Variants in PDE3A observed in about 807,000 individuals in gnomAD.
PDE3A encodes the protein phosphodiesterase 3A, also known as cGMP-inhibited 3',5'-cyclic phosphodiesterase 3A.
Under a neutral mutation model 98.3 loss-of-function variants are expected in PDE3A, and 43 were observed. The ratio of observed to expected loss-of-function variants is 0.44; its 90% CI spans 0.34 to 0.56. The LOEUF (loss-of-function observed/expected upper bound fraction) is 0.56, where lower values mean the gene tolerates loss of function less well. Among genes scored for constraint, PDE3A ranks in the 20% least tolerant of loss-of-function variants. PDE3A has a pLI of 0.01. For missense variants in PDE3A, 1,427 were observed against 1,440.7 expected, an observed-to-expected ratio of 0.99 and a Z score of 0.15; for synonymous variants, 663 against 567.9, an observed-to-expected ratio of 1.17 and a Z score of -2.38.
intron 15 of PDE3A, among the ~76,000 whole-genome samples, chr12:20,677,291 T>C (rs1353425606): frequency 1.3e-5 from 2 of 152,172 alleles, no homozygotes; most frequent in African/African-American, 2.4e-5. Flanking sequence ...TTTAATATTG[T>C]TATTTTGAAT....
intron 1 of PDE3A, among the ~76,000 whole-genome samples, chr12:20,543,525 T>A (rs1401397112): frequency 1.3e-5 from 2 of 152,012 alleles, no homozygotes; most frequent in Non-Finnish European, 2.9e-5. Flanking sequence ...TATTAAAATT[T>A]AGATTTTTCC....
chr12:20,551,905 G>A (rs762771058), intron 1 of PDE3A: 657 of 1,613,328 alleles, frequency 4.1e-4, no homozygotes, highest in Non-Finnish European at 5.2e-4. Context: ...GGGGATCCCC[G>A]TGGGCACCAT....
At chr12:20,530,447 T>C (rs1333860060) in intron 1 of PDE3A, among the ~76,000 whole-genome samples, 4 of 152,066 alleles carry the variant, frequency 2.6e-5, no homozygotes, top group Non-Finnish European at 5.9e-5. Context: ...TTTTCAAGAA[T>C]TGACTATGAG....
chr12:20,543,377 C>A (rs982028784), intron 1 of PDE3A, among the ~76,000 whole-genome samples: 1 of 151,928 alleles, frequency 6.6e-6, no homozygotes, highest in Non-Finnish European at 1.5e-5. Context: ...CAGACTCTCT[C>A]TAGCTTTTCC....
intron 15 of PDE3A, among the ~76,000 whole-genome samples, chr12:20,665,258 A>G (rs1487517335): frequency 2.0e-5 from 3 of 152,222 alleles, no homozygotes; most frequent in Admixed American, 1.3e-4. Context: ...ACATTTTGGT[A>G]CATATCAGGT....
At chr12:20,633,284 C>A (rs7953367) in intron 6 of PDE3A, among the ~76,000 whole-genome samples, 118,156 of 152,056 alleles carry the variant, frequency 0.78, 46,085 homozygotes, top group East Asian at 0.95. Flanking sequence ...GCTTTTAAGC[C>A]GACAGAAAGG....
At chr12:20,664,965 C>G (rs1945271391) in intron 15 of PDE3A, among the ~76,000 whole-genome samples, 1 of 152,172 alleles carries the variant, frequency 6.6e-6, no homozygotes, top group Non-Finnish European at 1.5e-5. Flanking sequence ...AATTCCCTAC[C>G]TCTAATCAGT....
chr12:20,676,353 T>C (rs922667569), intron 15 of PDE3A, among the ~76,000 whole-genome samples: 8 of 152,126 alleles, frequency 5.3e-5, no homozygotes, highest in Non-Finnish European at 1.2e-4. Context: ...TATATGGTTT[T>C]TTCTTTCAGT....
At chr12:20,483,118 C>T (rs1024064502) in intron 1 of PDE3A, among the ~76,000 whole-genome samples, 15 of 151,888 alleles carry the variant, frequency 9.9e-5, no homozygotes, top group African/African-American at 2.9e-4. Context: ...AGGCCTTACG[C>T]GGTAGCTCAC....
At chr12:20,660,994 G>A (rs1056835192) in intron 15 of PDE3A, among the ~76,000 whole-genome samples, 1 of 152,194 alleles carries the variant, frequency 6.6e-6, no homozygotes, top group Admixed American at 6.5e-5. Flanking sequence ...ATGTGAGAAA[G>A]TTAGTTTGGA....
At chr12:20,487,662 AAAT>A (rs1414477075) in intron 1 of PDE3A, among the ~76,000 whole-genome samples, 4 of 133,870 alleles carry the variant, frequency 3.0e-5, no homozygotes, top group Admixed American at 7.1e-5. Flanking sequence ...TAAGAAAAAA[AAAT>A]AAATAAATAA....
At chr12:20,512,859 A>G (rs1476516985) in intron 1 of PDE3A, among the ~76,000 whole-genome samples, 1 of 152,138 alleles carries the variant, frequency 6.6e-6, no homozygotes, top group Admixed American at 6.6e-5. Flanking sequence ...AAAGCATATT[A>G]TTTATTATTA....
At chr12:20,493,617 C>T (rs1281243853) in intron 1 of PDE3A, among the ~76,000 whole-genome samples, 1 of 152,046 alleles carries the variant, frequency 6.6e-6, no homozygotes, top group Non-Finnish European at 1.5e-5. Context: ...CACACTCACA[C>T]CCATTCACAA....
At chr12:20,562,866 A>C (rs1409727751) in intron 2 of PDE3A, among the ~76,000 whole-genome samples, 1 of 152,168 alleles carries the variant, frequency 6.6e-6, no homozygotes, top group East Asian at 1.9e-4. Flanking sequence ...GGTTTGTATG[A>C]TTCTAAATAA....
intron 1 of PDE3A, among the ~76,000 whole-genome samples, chr12:20,406,241 G>A (rs1248864001): frequency 6.6e-6 from 1 of 152,100 alleles, no homozygotes; most frequent in Non-Finnish European, 1.5e-5. Flanking sequence ...TCCTTTGCAT[G>A]TATACCCATA....
intron 1 of PDE3A, among the ~76,000 whole-genome samples, chr12:20,421,195 T>G (rs1944506033): frequency 6.6e-6 from 1 of 152,202 alleles, no homozygotes; most frequent in South Asian, 2.1e-4. Flanking sequence ...TAACATATTG[T>G]GGCACTGACT....
At chr12:20,429,652 T>A (rs1049411271) in intron 1 of PDE3A, among the ~76,000 whole-genome samples, 3 of 152,196 alleles carry the variant, frequency 2.0e-5, no homozygotes, top group Non-Finnish European at 4.4e-5. Context: ...GTGACTTTAG[T>A]TAGCATCTGC....
chr12:20,369,047 G>C lies in PDE3A; in HGVS notation c.-238G>C, dbSNP rs970394014. Reference sequence around the variant, plus strand: ...TTCTGCCCGTGCTTGTTTTCAACTTGAGCGTGCTAGCCTTTAACTTGAAGA... The same window carrying C: ...TTCTGCCCGTGCTTGTTTTCAACTTCAGCGTGCTAGCCTTTAACTTGAAGA... On this transcript the variant is annotated 5_prime_UTR_variant, in exon 1 of 16. Transcript: ENST00000359062. Among the ~76,000 whole-genome samples the C allele has an allele frequency of 2.0e-5, 3 of 152,238 alleles. No homozygotes were observed. Among genetic ancestry groups the C allele is most frequent in the Non-Finnish European group, 4.4e-5 (3 of 68,048 alleles).
chr12:20,600,061 CT>C (rs773224753), intron 2 of PDE3A, among the ~76,000 whole-genome samples: 9 of 152,120 alleles, frequency 5.9e-5, no homozygotes, highest in Non-Finnish European at 1.2e-4. Flanking sequence ...TTCTTATTTC[CT>C]TTTGTGGATT....
Sources: allele counts gnomAD v4.1 joint callset (sites outside exome capture counted in the v4.1 genomes callset), GRCh38; gene constraint gnomAD v4.1.1; transcripts MANE v1.5; gene names NCBI Gene and HGNC (gene_info 2026-07-23, HGNC 2026-07-21).